DNAJC5B: variants seen among roughly 807,000 people sequenced by gnomAD.
DNAJC5B encodes dnaJ homolog subfamily C member 5B.
DNAJC5B carries 23 observed loss-of-function variants against 24.7 expected under a neutral mutation model. The observed-to-expected ratio is 0.93, with a 90% CI of 0.67 to 1.32. The LOEUF is 1.32. DNAJC5B is among the 40% of genes most tolerant of loss of function. The pLI is 0.00. For synonymous variants in DNAJC5B, 101 were observed against 90.1 expected (o/e 1.12, Z -0.68); for missense variants, 238 against 240.8 (o/e 0.99, Z 0.08).
At chr8:66,067,202 G>A (rs1234032757) in intron 3 of DNAJC5B, among the ~76,000 whole-genome samples, 5 of 34,038 alleles carry the variant, frequency 1.5e-4, no homozygotes, top group East Asian at 1.1e-3. Flanking sequence ...ACTTCCCACC[G>A]CCCCCCACCC....
At chr8:66,066,153 G>A (rs1807187858) in intron 3 of DNAJC5B, among the ~76,000 whole-genome samples, 1 of 152,184 alleles carries the variant, frequency 6.6e-6, no homozygotes, top group South Asian at 2.1e-4. Context: ...AATCATCAGG[G>A]AAATGCAAAC....
At chr8:66,069,321 C>T (rs1394534616) in intron 3 of DNAJC5B, among the ~76,000 whole-genome samples, 2 of 151,842 alleles carry the variant, frequency 1.3e-5, no homozygotes, top group Non-Finnish European at 2.9e-5. Context: ...TTACAAAAGA[C>T]ATATCTAATA....
intron 3 of DNAJC5B, among the ~76,000 whole-genome samples, chr8:66,074,402 A>G (rs1807416625): frequency 6.6e-6 from 1 of 152,240 alleles, no homozygotes. Flanking sequence ...AATTATAACT[A>G]TAAACCACAT....
upstream of DNAJC5B, among the ~76,000 whole-genome samples, chr8:66,019,522 T>C (rs1806053876): frequency 6.6e-6 from 1 of 152,238 alleles, no homozygotes; most frequent in Non-Finnish European, 1.5e-5. Context: ...CATTACTTTG[T>C]TTTCATTGTA....
chr8:66,023,052 C>T (rs1563581926), intron 1 of DNAJC5B, among the ~76,000 whole-genome samples: 1 of 152,174 alleles, frequency 6.6e-6, no homozygotes, highest in Non-Finnish European at 1.5e-5. Flanking sequence ...TGCAGCCTGT[C>T]GCATACTGCA....
intron 2 of DNAJC5B, among the ~76,000 whole-genome samples, chr8:66,044,273 A>G (rs1374797044): frequency 1.3e-5 from 2 of 152,184 alleles, no homozygotes; most frequent in African/African-American, 2.4e-5. Flanking sequence ...TGAAGGAATC[A>G]TAGAAGTAAT....
intron 3 of DNAJC5B, among the ~76,000 whole-genome samples, chr8:66,053,817 C>T (rs112047666): frequency 0.053 from 7,986 of 151,926 alleles, 271 homozygotes; most frequent in Middle Eastern, 0.085. Flanking sequence ...TTAGTAGAGA[C>T]GGGGTTTCTC....
chr8:66,024,354 A>G (rs1486295074), intron 1 of DNAJC5B, among the ~76,000 whole-genome samples: 1 of 151,948 alleles, frequency 6.6e-6, no homozygotes, highest in Non-Finnish European at 1.5e-5. Flanking sequence ...CTGCAGAAGA[A>G]AGCTAATTGT....
rs189431299 is a variant in DNAJC5B, at chr8:66,100,034, T to C, written c.*3T>C. The C allele has an allele frequency of 3.5e-5, 56 of 1,613,474 alleles. No individual in the cohort carries two copies. In the East Asian group the frequency reaches 5.3e-4, roughly 15 times the overall value. On this transcript the variant is annotated 3_prime_UTR_variant, in exon 6 of 6. Coordinates refer to ENST00000276570, the MANE Select transcript of DNAJC5B (RefSeq NM_033105.6). ...GAAGTTATTGCACAGACTCTTGATATTGAGCCCTCAGAGAGTCCACAGTCC... is the reference window on the plus strand; with the variant it reads ...GAAGTTATTGCACAGACTCTTGATACTGAGCCCTCAGAGAGTCCACAGTCC...
chr8:66,033,505 A>G (rs1319609615), intron 1 of DNAJC5B, among the ~76,000 whole-genome samples: 1 of 152,050 alleles, frequency 6.6e-6, no homozygotes, highest in Admixed American at 6.5e-5. Context: ...CACTGGATCC[A>G]CCCAGCGGAT....
upstream of DNAJC5B, among the ~76,000 whole-genome samples, chr8:66,017,857 G>A (rs1431252949): frequency 6.6e-6 from 1 of 152,156 alleles, no homozygotes; most frequent in Admixed American, 6.5e-5. Context: ...CATAGACTAC[G>A]AGCATTTTAG....
At chr8:66,034,443 A>G (rs945443367) in intron 1 of DNAJC5B, among the ~76,000 whole-genome samples, 1 of 151,994 alleles carries the variant, frequency 6.6e-6, no homozygotes, top group Admixed American at 6.6e-5. Context: ...CAGCAGTTAC[A>G]ATGGTGATCT....
intron 3 of DNAJC5B, among the ~76,000 whole-genome samples, chr8:66,060,842 G>C (rs1232982988): frequency 6.6e-6 from 1 of 152,212 alleles, no homozygotes; most frequent in East Asian, 1.9e-4. Context: ...CACCGCCTCT[G>C]TGTTGGCCAC....
intron 2 of DNAJC5B, among the ~76,000 whole-genome samples, chr8:66,049,739 T>A (rs1243797971): frequency 6.6e-6 from 1 of 152,192 alleles, no homozygotes; most frequent in Non-Finnish European, 1.5e-5. Flanking sequence ...AACCTGTATA[T>A]CTCTTTCCTG....
At chr8:66,033,770 C>CT (rs765814272) in intron 1 of DNAJC5B, among the ~76,000 whole-genome samples, 3,565 of 105,224 alleles carry the variant, frequency 0.034, 63 homozygotes, top group East Asian at 0.091. Context: ...GATCATTCCG[C>CT]TTTTTTTTTT....
At chr8:66,055,398 G>A (rs752882957) in intron 3 of DNAJC5B, among the ~76,000 whole-genome samples, 1 of 152,196 alleles carries the variant, frequency 6.6e-6, no homozygotes, top group Non-Finnish European at 1.5e-5. Flanking sequence ...ATTACCAGCT[G>A]TTGAATCTAT....
chr8:66,064,521 C>T (rs570918017), intron 3 of DNAJC5B, among the ~76,000 whole-genome samples: 2 of 152,304 alleles, frequency 1.3e-5, no homozygotes, highest in South Asian at 4.1e-4. Flanking sequence ...CAGTCTTATC[C>T]TCCCTTGACC....
chr8:66,024,387 G>A (rs2128955455), intron 1 of DNAJC5B, among the ~76,000 whole-genome samples: 1 of 134,442 alleles, frequency 7.4e-6, no homozygotes, highest in Middle Eastern at 4.7e-3. Flanking sequence ...GATAAAAGAA[G>A]TTTTAGTTTC....
intron 3 of DNAJC5B, among the ~76,000 whole-genome samples, chr8:66,061,861 T>C (rs1807089435): frequency 6.6e-6 from 1 of 152,038 alleles, no homozygotes; most frequent in Non-Finnish European, 1.5e-5. Flanking sequence ...GCAAAAAGAA[T>C]TGAACTGGGG....
Sources: gnomAD v4.1 joint callset for allele counts (sites outside exome capture counted in the v4.1 genomes callset) on GRCh38, gnomAD v4.1.1 for gene constraint, MANE v1.5 for transcripts, NCBI Gene and HGNC (gene_info 2026-07-23, HGNC 2026-07-21) for gene names.